Variants in NR2E1 observed in about 807,000 individuals in gnomAD.
The protein encoded by NR2E1 is nuclear receptor TLX.
Under a neutral mutation model 43.6 loss-of-function variants are expected in NR2E1, and 5 were observed. The ratio of observed to expected loss-of-function variants is 0.11; its 90% CI spans 0.06 to 0.24. The LOEUF (loss-of-function observed/expected upper bound fraction) is 0.24, where lower values mean the gene tolerates loss of function less well. Ranked by LOEUF, NR2E1 falls within the 10% of genes least tolerant of loss-of-function variation. The pLI is 1.00. For missense variants in NR2E1, 287 were observed against 496.7 expected, an observed-to-expected ratio of 0.58 and a Z score of 4.01; for synonymous variants, 191 against 195.5, an observed-to-expected ratio of 0.98 and a Z score of 0.19.
chr6:108,183,563 A>G (rs1774025822), intron 8 of NR2E1, among the ~76,000 whole-genome samples: 1 of 152,158 alleles, frequency 6.6e-6, no homozygotes, highest in African/African-American at 2.4e-5. Context: ...GGGGGAATAA[A>G]TACATCAAAT....
chr6:108,172,159 G>C (rs987663702), intron 2 of NR2E1, among the ~76,000 whole-genome samples: 1 of 152,202 alleles, frequency 6.6e-6, no homozygotes, highest in African/African-American at 2.4e-5. Flanking sequence ...CTTTCTGAAG[G>C]GTTGTGCATT....
In NR2E1 at chr6:108,187,385, A is replaced by C. The variant is rs778334812; in HGVS notation, c.1080A>C (p.Glu360Asp). The change falls in exon 9 of 9, where the codon GAA (glutamate) becomes GAC (aspartate). Residue 360 changes from glutamate to aspartate, a missense_variant. This residue lies in a region of NR2E1 where 119 missense variants were observed against 187.0 expected (regional missense o/e 0.64). Coordinates refer to ENST00000368986, the MANE Select transcript of NR2E1 (RefSeq NM_003269.5). The stretch of plus-strand genomic sequence containing the variant: ...CTATTAGCCCATCAACTATAGAAGA[A>C]GTGTTTTTCAAAAAAACCATCGGCA... Reference protein sequence around the residue: ...LRSISPSTIEEVFFKKTIGNV... With the variant: ...LRSISPSTIEDVFFKKTIGNV... 3.1e-6 allele frequency: 5 copies of C among 1,614,246 alleles called. No homozygotes were observed. The highest frequency in any genetic ancestry group is 4.2e-6 in the Non-Finnish European group (5 of 1,180,032).
rs112893300 is a variant in NR2E1, at chr6:108,183,346, TA to T, written c.995+1709del. Among the ~76,000 whole-genome samples the T allele has an allele frequency of 5.0e-3, 728 of 144,790 alleles. 1 individual carries two copies. Among genetic ancestry groups the T allele is most frequent in the Non-Finnish European group, 6.6e-3 (432 of 65,898 alleles). The allele number at this position is 144,790 out of a possible 152,430, so 95.0% of individuals were successfully genotyped here. A position where few individuals can be genotyped will look rare whatever the true frequency, so the allele number is the denominator to read the frequency against. On this transcript the variant is annotated intron_variant, in intron 8 of 8. Coordinates refer to ENST00000368986, the MANE Select transcript of NR2E1 (RefSeq NM_003269.5). The stretch of plus-strand genomic sequence containing the variant: ...CAAGACCCCATCTCCACCAAAAATT[TA>T]AAAAAAAAAAAAAGAAGAAGTGTAA...
At chr6:108,171,688 C>T (rs1189946717) in intron 2 of NR2E1, 85 bp downstream of exon 2, 2 of 1,567,142 alleles carry the variant, frequency 1.3e-6, no homozygotes, top group East Asian at 2.2e-5. Context: ...TCTGAGTTTC[C>T]ACGCAGTTGA....
chr6:108,177,643 G>T (rs1024276995), intron 4 of NR2E1, among the ~76,000 whole-genome samples: 2 of 152,238 alleles, frequency 1.3e-5, no homozygotes, highest in African/African-American at 4.8e-5. Context: ...TGATTAAGAT[G>T]TCTAATTGAA....
At chr6:108,175,261 C>T (rs1369075292) in intron 3 of NR2E1, among the ~76,000 whole-genome samples, 1 of 152,248 alleles carries the variant, frequency 6.6e-6, no homozygotes, top group Non-Finnish European at 1.5e-5. Context: ...CCCTTCGTGG[C>T]CACCCTTAAG....
intron 2 of NR2E1, 151 bp downstream of exon 2, chr6:108,171,754 T>A: frequency 9.8e-7 from 1 of 1,024,718 alleles, no homozygotes; most frequent in Non-Finnish European, 1.5e-6. Context: ...GCCTCAACTC[T>A]TGGAGGCCCT....
chr6:108,166,935 T>C lies in NR2E1; in HGVS notation c.25+145T>C. 1 of 869,830 alleles carries C rather than the reference T, an allele frequency of 1.1e-6. No individual in the cohort carries two copies. The highest frequency in any genetic ancestry group is 1.8e-6 in the Non-Finnish European group (1 of 548,908). The allele number at this position is 869,830 out of a possible 1,614,324, so 53.9% of individuals were successfully genotyped here. A position where few individuals can be genotyped will look rare whatever the true frequency, so the allele number is the denominator to read the frequency against. On this transcript the variant is annotated intron_variant, in intron 1 of 8. Coordinates refer to ENST00000368986, the MANE Select transcript of NR2E1 (RefSeq NM_003269.5). This position sits in a 1 kb window ranked among gnomAD's most constrained non-coding sequence, Gnocchi z 7.2. ...CGGGCGTGTGCGTTCGGCCCAGACCTGTAGACCGTGAGTTGGAGCATTTCG... is the reference window on the plus strand; with the variant it reads ...CGGGCGTGTGCGTTCGGCCCAGACCCGTAGACCGTGAGTTGGAGCATTTCG...
At position 108,169,436 on chromosome 6, in the gene NR2E1, G is replaced by A. The variant is rs950138577; in HGVS notation, c.26-2022G>A. ...TGTCCGGATGGGAAGTGGGGAAAAA[G>A]AGACCCCACCACTGCTCCTCCCACT... On this transcript the variant is annotated intron_variant, in intron 1 of 8. Transcript: ENST00000368986. This position sits in a 1 kb window ranked among gnomAD's most constrained non-coding sequence, Gnocchi z 6.1. Among the ~76,000 whole-genome samples the A allele has an allele frequency of 6.6e-6, 1 of 152,178 alleles. No individual in the cohort carries two copies. The highest frequency in any genetic ancestry group is 2.4e-5 in the African/African-American group (1 of 41,452).
chr6:108,180,821 A>G lies in NR2E1; in HGVS notation c.754A>G (p.Asn252Asp). ...TTTTATTCTAGGCATGAACGGTGAC[A>G]ACACAGATTCCCAGAAGCTGAACAA... Reference protein sequence around the residue: ...LLAVSGMNGDNTDSQKLNKII... With the variant: ...LLAVSGMNGDDTDSQKLNKII... Residue 252 changes from asparagine (N) to aspartate (D), a missense_variant, in exon 7 of 9, where the codon AAC becomes GAC. By Grantham distance (23) the Asn-to-Asp change is conservative. This residue lies in a region of NR2E1 where 119 missense variants were observed against 187.0 expected (regional missense o/e 0.64). Transcript: ENST00000368986. This position sits in a 1 kb window ranked among gnomAD's most constrained non-coding sequence, Gnocchi z 5.4. The G allele has an allele frequency of 6.2e-7, 1 of 1,614,132 alleles. No homozygotes were observed. The highest frequency in any genetic ancestry group is 8.5e-7 in the Non-Finnish European group (1 of 1,179,950).
At position 108,166,663 on chromosome 6, in the gene NR2E1, G is replaced by A; in HGVS notation, c.-103G>A. ...CCTGTCCCGCCCAGGAGCCTTGCAG[G>A]CTGGAGGGCAGCTGGAGAGCGGCGG... On this transcript the variant is annotated 5_prime_UTR_variant, in exon 1 of 9. Coordinates refer to ENST00000368986, the MANE Select transcript of NR2E1 (RefSeq NM_003269.5). The surrounding 1 kb of genome is among the most constrained non-coding windows in gnomAD (Gnocchi z 7.2). The A allele has an allele frequency of 1.0e-6, 1 of 976,386 alleles. No homozygotes were observed. Among genetic ancestry groups the A allele is most frequent in the Non-Finnish European group, 1.4e-6 (1 of 693,304 alleles). The allele number at this position is 976,386 out of a possible 1,614,324, so 60.5% of individuals were successfully genotyped here. A position where few individuals can be genotyped will look rare whatever the true frequency, so the allele number is the denominator to read the frequency against.
chr6:108,180,281 A>C lies in NR2E1; in HGVS notation c.643-42A>C. ...ATAGTGAAATTGTTTATAAATTTAT[A>C]AATTACACACTATATTATATTATAC... On this transcript the variant is annotated intron_variant, in intron 5 of 8. Coordinates refer to ENST00000368986, the MANE Select transcript of NR2E1 (RefSeq NM_003269.5). This position sits in a 1 kb window ranked among gnomAD's most constrained non-coding sequence, Gnocchi z 5.4. The C allele has an allele frequency of 8.3e-7, 1 of 1,207,366 alleles. No homozygotes were observed. Among genetic ancestry groups the C allele is most frequent in the South Asian group, 1.3e-5 (1 of 78,400 alleles). The allele number at this position is 1,207,366 out of a possible 1,614,324, so 74.8% of individuals were successfully genotyped here.
chr6:108,178,335 C>A (rs1773933305), intron 5 of NR2E1, 94 bp downstream of exon 5: 3 of 1,348,274 alleles, frequency 2.2e-6, no homozygotes, highest in Non-Finnish European at 3.2e-6. Context: ...GGGTAAACCA[C>A]CCAAGGCAGG....
At chr6:108,173,879 A>G (rs867676619) in intron 2 of NR2E1, among the ~76,000 whole-genome samples, 13 of 152,210 alleles carry the variant, frequency 8.5e-5, no homozygotes, top group African/African-American at 2.7e-4. Context: ...TCCTCTTTCA[A>G]TGGCTAATGT....
In NR2E1 at chr6:108,166,957, T is replaced by G. The variant is rs1773719141; in HGVS notation, c.25+167T>G. Among the ~76,000 whole-genome samples, 1 of 152,058 alleles carries G rather than the reference T, an allele frequency of 6.6e-6. No individual in the cohort carries two copies. The highest frequency in any genetic ancestry group is 2.4e-5 in the African/African-American group (1 of 41,422). On this transcript the variant is annotated intron_variant, in intron 1 of 8. Transcript: ENST00000368986. The surrounding 1 kb of genome is among the most constrained non-coding windows in gnomAD (Gnocchi z 7.2). ...ACCTGTAGACCGTGAGTTGGAGCAT[T>G]TCGTGGAGAGGGGAGAGCCGTTTCG...
At chr6:108,175,945 G>A (rs1314390020) in intron 3 of NR2E1, among the ~76,000 whole-genome samples, 2 of 152,218 alleles carry the variant, frequency 1.3e-5, no homozygotes, top group Non-Finnish European at 2.9e-5. Context: ...CTCGGAGACG[G>A]GTTCTCCCTC....
Position 108,187,782 on chromosome 6 carries a change from A to T in NR2E1, c.*319A>T, listed in dbSNP as rs1001049092. 2.6e-6 allele frequency: 1 copy of T among 383,688 alleles called. No homozygotes were observed. The highest frequency in any genetic ancestry group is 2.1e-5 in the African/African-American group (1 of 48,536). 23.8% of individuals were successfully genotyped at this position (383,688 alleles called of 1,614,324 possible). On this transcript the variant is annotated 3_prime_UTR_variant, in exon 9 of 9. Coordinates refer to ENST00000368986, the MANE Select transcript of NR2E1 (RefSeq NM_003269.5). The stretch of plus-strand genomic sequence containing the variant: ...CCTCTTACCTGGAAGATCAGGCTGA[A>T]CGATCAAAAGCTGAAACATAAGTAG...
intron 7 of NR2E1, among the ~76,000 whole-genome samples, chr6:108,181,253 G>A (rs940510433): frequency 6.6e-6 from 1 of 151,920 alleles, no homozygotes; most frequent in Non-Finnish European, 1.5e-5. Flanking sequence ...GAGTCCAATG[G>A]CACCATCTCA....
intron 3 of NR2E1, chr6:108,176,262 T>A: frequency 1.7e-6 from 1 of 587,898 alleles, no homozygotes; most frequent in South Asian, 2.1e-5. Flanking sequence ...TCTGCCATTA[T>A]CGTGGCACTT....
Sources: allele counts gnomAD v4.1 joint callset (sites outside exome capture counted in the v4.1 genomes callset), GRCh38; gene constraint gnomAD v4.1.1; regional missense constraint gnomAD v4.1.1; non-coding constraint Gnocchi (gnomAD v3.1); transcripts MANE v1.5; gene names NCBI Gene and HGNC (gene_info 2026-07-23, HGNC 2026-07-21).